Variants in ADGRL4 observed in about 807,000 individuals in gnomAD.
ADGRL4 encodes the protein EGF, latrophilin and seven transmembrane domain containing 1.
ADGRL4 carries 90 observed loss-of-function variants against 74.8 expected under a neutral mutation model. The ratio of observed to expected loss-of-function variants is 1.20; its 90% confidence interval spans 1.02 to 1.43. The LOEUF (loss-of-function observed/expected upper bound fraction) is 1.43, where lower values mean the gene tolerates loss of function less well. Ranked by LOEUF, ADGRL4 falls within the 40% of genes most tolerant of loss-of-function variation. ADGRL4 has a pLI of 0.00. For synonymous variants in ADGRL4, 311 were observed against 279.2 expected (o/e 1.11, Z -1.14); for missense variants, 881 against 814.3 (o/e 1.08, Z -1.00).
chr1:78,955,784 C>T (rs1649817394), intron 2 of ADGRL4, among the ~76,000 whole-genome samples: 1 of 152,012 alleles, frequency 6.6e-6, no homozygotes, highest in African/African-American at 2.4e-5. Flanking sequence ...TTTTTCCACA[C>T]CTTCATAACT....
intron 12 of ADGRL4, among the ~76,000 whole-genome samples, chr1:78,903,190 C>A (rs968292738): frequency 6.6e-6 from 1 of 152,076 alleles, no homozygotes; most frequent in Admixed American, 6.6e-5. Flanking sequence ...GTGGAGGAAT[C>A]CACCCTCTTT....
At chr1:78,891,474 C>T in intron 14 of ADGRL4, 50 bp downstream of exon 14, 1 of 1,544,734 alleles carries the variant, frequency 6.5e-7, no homozygotes, top group Non-Finnish European at 8.8e-7. Context: ...AATTTGGCAA[C>T]TGATGTTACA....
At chr1:78,987,878 T>C (rs1384366557) in intron 2 of ADGRL4, among the ~76,000 whole-genome samples, 1 of 151,798 alleles carries the variant, frequency 6.6e-6, no homozygotes, top group African/African-American at 2.4e-5. Flanking sequence ...CAAAGGAACA[T>C]TCAATCTTAT....
intron 2 of ADGRL4, among the ~76,000 whole-genome samples, chr1:78,948,415 T>C (rs751122474): frequency 3.0e-4 from 46 of 152,072 alleles, no homozygotes; most frequent in Non-Finnish European, 6.0e-4. Context: ...TTAAAAAATT[T>C]AAAATTTAAA....
intron 2 of ADGRL4, among the ~76,000 whole-genome samples, chr1:78,947,968 TTATAAA>T (rs1246774728): frequency 6.6e-6 from 1 of 152,162 alleles, no homozygotes; most frequent in Non-Finnish European, 1.5e-5. Context: ...TCCAAATGTT[TTATAAA>T]TATTAATTAG....
chr1:78,945,897 A>T (rs926619868), intron 3 of ADGRL4, among the ~76,000 whole-genome samples: 4 of 152,180 alleles, frequency 2.6e-5, no homozygotes, highest in Non-Finnish European at 4.4e-5. Context: ...GCATATTTAC[A>T]AAGGCCTCAG....
intron 3 of ADGRL4, among the ~76,000 whole-genome samples, chr1:78,945,196 A>ATATATATATATCTC (rs1553136479): frequency 2.7e-5 from 4 of 148,222 alleles, no homozygotes; most frequent in African/African-American, 9.9e-5. Context: ...ATATATATAT[A>ATATATATATATCTC]TCTCAATAGG....
chr1:78,952,341 T>TTG (rs1649747479), intron 2 of ADGRL4, among the ~76,000 whole-genome samples: 1 of 150,576 alleles, frequency 6.6e-6, no homozygotes, highest in Non-Finnish European at 1.5e-5. Context: ...TTTTTTTTTT[T>TTG]TTTTCCTCTT....
At chr1:78,903,425 G>C (rs773482248) in intron 12 of ADGRL4, among the ~76,000 whole-genome samples, 2 of 152,098 alleles carry the variant, frequency 1.3e-5, no homozygotes, top group Non-Finnish European at 2.9e-5. Flanking sequence ...GCAAGTTCAT[G>C]TAAAAAGTCC....
chr1:78,965,684 T>C (rs1185884430), intron 2 of ADGRL4, among the ~76,000 whole-genome samples: 1 of 152,158 alleles, frequency 6.6e-6, no homozygotes, highest in African/African-American at 2.4e-5. Flanking sequence ...CTAACATTGA[T>C]TCAGCAACTA....
intron 2 of ADGRL4, among the ~76,000 whole-genome samples, chr1:79,000,461 T>C (rs1650817729): frequency 6.6e-6 from 1 of 152,182 alleles, no homozygotes; most frequent in African/African-American, 2.4e-5. Context: ...AAAACTCAAA[T>C]CACACAGGCC....
At chr1:78,917,550 G>T in intron 12 of ADGRL4, 84 bp downstream of exon 12, 2 of 783,392 alleles carry the variant, frequency 2.6e-6, no homozygotes, top group South Asian at 2.1e-5. Flanking sequence ...TTCTTTTTTA[G>T]AATAACACCT....
At chr1:78,891,254 A>G (rs17102364) in intron 14 of ADGRL4, 38 bp from the exon 15 acceptor site, 57,234 of 1,549,526 alleles carry the variant, frequency 0.037, 1,221 homozygotes, top group South Asian at 0.056. Flanking sequence ...AATGTTAATC[A>G]TAACAATCAC....
chr1:78,937,775 C>A, intron 6 of ADGRL4, 32 bp downstream of exon 6: 1 of 1,581,500 alleles, frequency 6.3e-7, no homozygotes, highest in Non-Finnish European at 8.6e-7. Context: ...TTGGAAAACA[C>A]AATTACTTTT....
intron 2 of ADGRL4, among the ~76,000 whole-genome samples, chr1:78,963,455 A>G (rs937753635): frequency 1.3e-5 from 2 of 152,202 alleles, no homozygotes; most frequent in Admixed American, 1.3e-4. Flanking sequence ...TATGCTGTCA[A>G]CATTGTCTTT....
intron 2 of ADGRL4, among the ~76,000 whole-genome samples, chr1:78,978,875 T>G (rs1268289283): frequency 6.6e-6 from 1 of 152,010 alleles, no homozygotes; most frequent in African/African-American, 2.4e-5. Flanking sequence ...TTTTTTTTTC[T>G]TCTTTGTCCT....
At chr1:78,894,187 C>A (rs560155075) in intron 12 of ADGRL4, among the ~76,000 whole-genome samples, 40 of 151,912 alleles carry the variant, frequency 2.6e-4, no homozygotes, top group African/African-American at 9.4e-4. Context: ...TAAAACATTT[C>A]TTTTTTCTAT....
At chr1:78,995,968 G>A (rs948370271) in intron 2 of ADGRL4, among the ~76,000 whole-genome samples, 1 of 152,156 alleles carries the variant, frequency 6.6e-6, no homozygotes, top group African/African-American at 2.4e-5. Flanking sequence ...GGTTGTTGGA[G>A]CATAAGATAT....
intron 2 of ADGRL4, among the ~76,000 whole-genome samples, chr1:78,976,691 C>T (rs985545522): frequency 3.9e-4 from 58 of 149,518 alleles, no homozygotes; most frequent in African/African-American, 1.4e-3. Context: ...ACAAAATGGA[C>T]AAATTCCATA....
Sources: gnomAD v4.1 joint callset for allele counts (sites outside exome capture counted in the v4.1 genomes callset) on GRCh38, gnomAD v4.1.1 for gene constraint, MANE v1.5 for transcripts, NCBI Gene and HGNC (gene_info 2026-07-23, HGNC 2026-07-21) for gene names.